The following BRINP3 variants were observed in gnomAD, a reference collection of about 807,000 sequenced individuals.
BRINP3 encodes the protein BMP/retinoic acid inducible neural specific 3, also known as BMP/retinoic acid-inducible neural-specific protein 3.
In BRINP3, 19 loss-of-function variants were observed where a neutral mutation model predicts 71.0. The observed-to-expected ratio is 0.27, with a 90% CI of 0.19 to 0.39. BRINP3 has a LOEUF of 0.39. Ranked by LOEUF, BRINP3 falls within the 10% of genes least tolerant of loss-of-function variation. The pLI is 1.00. For missense variants in BRINP3, 959 were observed against 940.8 expected (o/e 1.02, Z -0.25); for synonymous variants, 380 against 337.7 (o/e 1.13, Z -1.37).
intron 2 of BRINP3, among the ~76,000 whole-genome samples, chr1:190,386,065 A>C (rs1278440332): frequency 1.6e-5 from 2 of 124,308 alleles, no homozygotes; most frequent in East Asian, 5.3e-4. Flanking sequence ...GGAACATCAC[A>C]CTCTGGGGAC....
At chr1:190,308,525 G>A (rs1446719826) in intron 2 of BRINP3, among the ~76,000 whole-genome samples, 3 of 151,706 alleles carry the variant, frequency 2.0e-5, no homozygotes, top group African/African-American at 7.3e-5. Context: ...ATAGCATTAG[G>A]TGATATACCT....
In BRINP3 at chr1:190,283,317, T is replaced by C. The variant is rs149697383; in HGVS notation, c.237-1567A>G. The stretch of plus-strand genomic sequence containing the variant: ...CTTCACAACAGAGATTCTGATTCAT[T>C]AGGTATTAGATAGGAGTTAGAATCT... On this transcript the variant is annotated intron_variant, in intron 2 of 7. Coordinates refer to ENST00000367462, the MANE Select transcript of BRINP3 (RefSeq NM_199051.3). Among the ~76,000 whole-genome samples the C allele has an allele frequency of 2.3e-3, 350 of 152,076 alleles. 1 individual carries two copies. Among genetic ancestry groups the C allele is most frequent in the African/African-American group, 8.0e-3 (332 of 41,536 alleles).
chr1:190,421,669 T>C (rs1558272065), intron 2 of BRINP3, among the ~76,000 whole-genome samples: 1 of 151,718 alleles, frequency 6.6e-6, no homozygotes, highest in Non-Finnish European at 1.5e-5. Context: ...AGTTGCTATG[T>C]GATAGATAGA....
intron 2 of BRINP3, among the ~76,000 whole-genome samples, chr1:190,424,590 T>C (rs560629478): frequency 4.0e-5 from 6 of 151,840 alleles, no homozygotes; most frequent in Admixed American, 1.3e-4. Flanking sequence ...AAATGTCTTA[T>C]AGAAATTTGT....
intron 7 of BRINP3, among the ~76,000 whole-genome samples, chr1:190,125,636 C>T (rs1383457585): frequency 6.6e-6 from 1 of 151,910 alleles, no homozygotes; most frequent in African/African-American, 2.4e-5. Context: ...ATTAAAATCA[C>T]AATGGGAGGA....
chr1:190,169,291 G>A (rs984558333), intron 6 of BRINP3, among the ~76,000 whole-genome samples: 23 of 152,142 alleles, frequency 1.5e-4, no homozygotes, highest in African/African-American at 5.1e-4. Flanking sequence ...ACAAATCTTG[G>A]AAGTTGCATA....
At chr1:190,250,734 G>T (rs116810164) in intron 4 of BRINP3, among the ~76,000 whole-genome samples, 1 of 151,914 alleles carries the variant, frequency 6.6e-6, no homozygotes, top group Non-Finnish European at 1.5e-5. Context: ...TGCCTGATAC[G>T]CAATGTTCCC....
At chr1:190,100,959 C>T (rs747763567) in intron 7 of BRINP3, among the ~76,000 whole-genome samples, 1 of 151,994 alleles carries the variant, frequency 6.6e-6, no homozygotes, top group East Asian at 1.9e-4. Context: ...CAGATTAATG[C>T]CCTTATCTTG....
chr1:190,182,571 A>T (rs1465446868), intron 6 of BRINP3, among the ~76,000 whole-genome samples: 1 of 117,838 alleles, frequency 8.5e-6, no homozygotes, highest in Non-Finnish European at 1.6e-5. Flanking sequence ...GCTTGATTTT[A>T]AAAAAATTAA....
chr1:190,428,458 A>G (rs777027602), intron 2 of BRINP3, among the ~76,000 whole-genome samples: 1 of 151,908 alleles, frequency 6.6e-6, no homozygotes, highest in Non-Finnish European at 1.5e-5. Context: ...TTTTTTTCTA[A>G]TGAAAAAAAG....
chr1:190,409,970 A>C (rs1672556587), intron 2 of BRINP3, among the ~76,000 whole-genome samples: 1 of 152,164 alleles, frequency 6.6e-6, no homozygotes, highest in African/African-American at 2.4e-5. Flanking sequence ...AGAAAATGGC[A>C]AGAATTGGTT....
intron 3 of BRINP3, among the ~76,000 whole-genome samples, chr1:190,272,332 G>C (rs1015934565): frequency 2.0e-5 from 3 of 151,396 alleles, no homozygotes; most frequent in Non-Finnish European, 4.4e-5. Context: ...TGAAACATGA[G>C]GTTTAGAGTC....
chr1:190,253,191 G>T (rs960442519), intron 4 of BRINP3, among the ~76,000 whole-genome samples: 4 of 152,104 alleles, frequency 2.6e-5, no homozygotes, highest in African/African-American at 9.7e-5. Context: ...TGGACATTTG[G>T]GTTGGTTCCA....
At chr1:190,181,871 T>C (rs1041830475) in intron 6 of BRINP3, among the ~76,000 whole-genome samples, 1 of 152,028 alleles carries the variant, frequency 6.6e-6, no homozygotes, top group African/African-American at 2.4e-5. Flanking sequence ...TTTAGGGAAC[T>C]TTGCTAGCCA....
chr1:190,452,147 C>G (rs1675650733), intron 2 of BRINP3, among the ~76,000 whole-genome samples: 1 of 152,082 alleles, frequency 6.6e-6, no homozygotes, highest in Non-Finnish European at 1.5e-5. Flanking sequence ...ATTTTTATGG[C>G]AAACATTAAT....
chr1:190,104,410 A>G (rs1429516666), intron 7 of BRINP3, among the ~76,000 whole-genome samples: 2 of 152,106 alleles, frequency 1.3e-5, no homozygotes, highest in African/African-American at 2.4e-5. Context: ...AATAAACAGG[A>G]AATAAATGTA....
At chr1:190,103,874 G>C (rs986477784) in intron 7 of BRINP3, among the ~76,000 whole-genome samples, 3 of 150,494 alleles carry the variant, frequency 2.0e-5, no homozygotes, top group South Asian at 2.1e-4. Context: ...AATATTAACT[G>C]TTTGGTGAAC....
At chr1:190,472,910 A>G (rs1486942106) in intron 1 of BRINP3, among the ~76,000 whole-genome samples, 1 of 151,702 alleles carries the variant, frequency 6.6e-6, no homozygotes, top group African/African-American at 2.4e-5. Context: ...CTTTGCATGG[A>G]GAAAATCAAG....
intron 7 of BRINP3, among the ~76,000 whole-genome samples, chr1:190,148,190 T>C (rs1174470891): frequency 6.6e-6 from 1 of 152,148 alleles, no homozygotes; most frequent in Non-Finnish European, 1.5e-5. Context: ...AAGCTCTCTC[T>C]CTCTTTCTCA....
Sources: gnomAD v4.1 joint callset for allele counts (sites outside exome capture counted in the v4.1 genomes callset) on GRCh38, gnomAD v4.1.1 for gene constraint, MANE v1.5 for transcripts, NCBI Gene and HGNC (gene_info 2026-07-23, HGNC 2026-07-21) for gene names.